Variants in HCN1 observed in about 807,000 individuals in gnomAD.
The protein encoded by HCN1 is potassium/sodium hyperpolarization-activated cyclic nucleotide-gated channel 1.
A neutral mutation model predicts 78.9 loss-of-function variants in HCN1; 13 were observed. That is an observed-to-expected ratio of 0.16 (90% confidence interval 0.11 to 0.26). The LOEUF is 0.26. HCN1 is among the 10% of genes least tolerant of loss of function. HCN1 has a pLI of 1.00. For synonymous variants in HCN1, 552 were observed against 455.5 expected, an observed-to-expected ratio of 1.21 and a Z score of -2.70; for missense variants, 810 against 1,154.3, an observed-to-expected ratio of 0.70 and a Z score of 4.32.
At chr5:45,542,174 C>A (rs923534656) in intron 2 of HCN1, among the ~76,000 whole-genome samples, 1 of 152,096 alleles carries the variant, frequency 6.6e-6, no homozygotes, top group African/African-American at 2.4e-5. Context: ...CAGTCAAATT[C>A]TTTCACACAT....
At chr5:45,296,469 TAGAG>T (rs1279902307) in intron 6 of HCN1, among the ~76,000 whole-genome samples, 1 of 151,912 alleles carries the variant, frequency 6.6e-6, no homozygotes, top group African/African-American at 2.4e-5. Context: ...ATGAAGTTCT[TAGAG>T]AGGAATTTAT....
chr5:45,368,217 G>T (rs1036732538), intron 4 of HCN1, among the ~76,000 whole-genome samples: 1 of 151,934 alleles, frequency 6.6e-6, no homozygotes, highest in Admixed American at 6.6e-5. Flanking sequence ...ATCAGCTGAG[G>T]CTGCAAGATA....
At chr5:45,382,729 A>G (rs1747834287) in intron 4 of HCN1, among the ~76,000 whole-genome samples, 1 of 152,170 alleles carries the variant, frequency 6.6e-6, no homozygotes, top group African/African-American at 2.4e-5. Flanking sequence ...TATTCAAACA[A>G]GAAGAATCAA....
intron 2 of HCN1, among the ~76,000 whole-genome samples, chr5:45,629,746 A>G (rs923530856): frequency 1.3e-5 from 2 of 152,192 alleles, no homozygotes; most frequent in Admixed American, 1.3e-4. Flanking sequence ...TCATACATTT[A>G]TAAGACATGC....
chr5:45,457,062 ATATATT>A (rs1459145351), intron 3 of HCN1, among the ~76,000 whole-genome samples: 1 of 152,070 alleles, frequency 6.6e-6, no homozygotes. Context: ...ACATGTAATC[ATATATT>A]TATAAGATTG....
At chr5:45,316,343 G>T (rs1475842733) in intron 5 of HCN1, among the ~76,000 whole-genome samples, 1 of 152,094 alleles carries the variant, frequency 6.6e-6, no homozygotes, top group East Asian at 1.9e-4. Flanking sequence ...TGCAGAAAAG[G>T]CCTTTGACAA....
intron 2 of HCN1, among the ~76,000 whole-genome samples, chr5:45,566,951 T>C (rs1462819885): frequency 6.6e-6 from 1 of 152,324 alleles, no homozygotes; most frequent in African/African-American, 2.4e-5. Context: ...ACTTTCTCTC[T>C]GATACAGGTT....
rs1369715438 is a variant in HCN1 at position 45,659,762 on chromosome 5, T to G, written c.426-14154A>C. On this transcript the variant is annotated intron_variant, in intron 1 of 7. Transcript: ENST00000303230. The stretch of plus-strand genomic sequence containing the variant: ...GAAGGGAAGTTTAGAGAAAAAAGAA[T>G]AAAAAGAAATGAGCAAAGCCTCCAA... Among the ~76,000 whole-genome samples, 242 of 114,176 alleles carry G rather than the reference T, an allele frequency of 2.1e-3. 1 individual carries two copies. The highest frequency in any genetic ancestry group is 9.0e-3 in the African/African-American group (233 of 25,810). The allele number at this position is 114,176 out of a possible 152,430, so 74.9% of individuals were successfully genotyped here.
intron 4 of HCN1, among the ~76,000 whole-genome samples, chr5:45,374,136 T>C (rs1458174267): frequency 2.3e-5 from 2 of 85,602 alleles, no homozygotes; most frequent in Non-Finnish European, 4.5e-5. Context: ...ATATATATTA[T>C]ATACATATTA....
At chr5:45,691,823 A>G (rs1372226611) in intron 1 of HCN1, among the ~76,000 whole-genome samples, 2 of 152,218 alleles carry the variant, frequency 1.3e-5, no homozygotes, top group Non-Finnish European at 2.9e-5. Context: ...GTGATCTCTG[A>G]TATCAGTACA....
At chr5:45,333,614 T>C (rs969734736) in intron 5 of HCN1, among the ~76,000 whole-genome samples, 2 of 151,828 alleles carry the variant, frequency 1.3e-5, no homozygotes, top group Non-Finnish European at 2.9e-5. Context: ...GCTTTATAGT[T>C]TGATGCCCTG....
At chr5:45,387,692 C>T (rs1353553210) in intron 4 of HCN1, among the ~76,000 whole-genome samples, 1 of 152,096 alleles carries the variant, frequency 6.6e-6, no homozygotes, top group African/African-American at 2.4e-5. Context: ...CATTCTCTGT[C>T]ATCTATCAAC....
At chr5:45,308,043 C>A (rs1745771812) in intron 5 of HCN1, among the ~76,000 whole-genome samples, 1 of 151,992 alleles carries the variant, frequency 6.6e-6, no homozygotes, top group Non-Finnish European at 1.5e-5. Flanking sequence ...GGGAGAAGAA[C>A]CCACATGAAT....
chr5:45,677,360 T>C (rs1580045265), intron 1 of HCN1, among the ~76,000 whole-genome samples: 1 of 151,882 alleles, frequency 6.6e-6, no homozygotes, highest in East Asian at 1.9e-4. Flanking sequence ...AAATTGCCTA[T>C]CTGTAGAGCC....
intron 1 of HCN1, among the ~76,000 whole-genome samples, chr5:45,661,048 T>C (rs1745925101): frequency 7.7e-6 from 1 of 130,578 alleles, no homozygotes; most frequent in Non-Finnish European, 1.6e-5. Context: ...GACCACATAG[T>C]TGGAAGTAAA....
chr5:45,391,341 C>T (rs980204736), intron 4 of HCN1, among the ~76,000 whole-genome samples: 2 of 152,174 alleles, frequency 1.3e-5, no homozygotes, highest in African/African-American at 2.4e-5. Flanking sequence ...TCCCTCTGCT[C>T]TTCTGAAGGC....
chr5:45,374,460 A>T (rs1314873496), intron 4 of HCN1, among the ~76,000 whole-genome samples: 1 of 149,488 alleles, frequency 6.7e-6, no homozygotes, highest in African/African-American at 2.5e-5. Flanking sequence ...GAAGAAATGT[A>T]ATCCTTATAC....
chr5:45,490,290 A>G (rs963892816), intron 2 of HCN1, among the ~76,000 whole-genome samples: 1 of 152,164 alleles, frequency 6.6e-6, no homozygotes, highest in Non-Finnish European at 1.5e-5. Context: ...TTTTCCTGAA[A>G]GAAACAGATA....
intron 6 of HCN1, among the ~76,000 whole-genome samples, chr5:45,281,573 T>C (rs1745167507): frequency 6.8e-6 from 1 of 147,190 alleles, no homozygotes; most frequent in Non-Finnish European, 1.5e-5. Context: ...CAAGAGCTCT[T>C]CTCTTCTTTT....
Sources: gnomAD v4.1 joint callset for allele counts (sites outside exome capture counted in the v4.1 genomes callset) on GRCh38, gnomAD v4.1.1 for gene constraint, MANE v1.5 for transcripts, NCBI Gene and HGNC (gene_info 2026-07-23, HGNC 2026-07-21) for gene names.